AIG1: variants seen among roughly 807,000 people sequenced by gnomAD.
The protein encoded by AIG1 is androgen induced 1, also known as androgen-induced gene 1 protein.
Under a neutral mutation model 31.4 loss-of-function variants are expected in AIG1, and 23 were observed. The ratio of observed to expected loss-of-function variants is 0.73; its 90% confidence interval spans 0.53 to 1.04. The LOEUF is 1.04. AIG1 is among the 50% of genes least tolerant of loss of function. The probability of loss-of-function intolerance (pLI) is 0.00; values close to 1 mark genes in which losing one functional copy is unlikely to be tolerated. For missense variants in AIG1, 274 were observed against 295.0 expected (o/e 0.93, Z 0.52); for synonymous variants, 100 against 110.5 (o/e 0.90, Z 0.60).
Position 143,292,174 on chromosome 6 carries a change from C to G in AIG1, c.515+7949C>G, listed in dbSNP as rs1268288666. Among the ~76,000 whole-genome samples the G allele has an allele frequency of 1.3e-5, 2 of 152,140 alleles. No individual in the cohort carries two copies. Among genetic ancestry groups the G allele is most frequent in the Non-Finnish European group, 2.9e-5 (2 of 68,020 alleles). ...TTGGTATGGAAGGCAAAATAATGCT[C>G]ACCACAAGCCCCCAAAGATATCCAC... is the stretch of plus-strand genomic sequence containing the variant. On this transcript the variant is annotated intron_variant, in intron 4 of 5. Transcript: ENST00000357847. The surrounding 1 kb of genome is among the most constrained non-coding windows in gnomAD (Gnocchi z 4.9).
At chr6:143,100,070 A>G (rs934125184) in intron 1 of AIG1, among the ~76,000 whole-genome samples, 3 of 152,204 alleles carry the variant, frequency 2.0e-5, no homozygotes, top group Non-Finnish European at 2.9e-5. Context: ...TACCTTTTCT[A>G]TAGTTTCCAT....
intron 3 of AIG1, among the ~76,000 whole-genome samples, chr6:143,249,666 C>G (rs916506753): frequency 6.6e-6 from 1 of 152,186 alleles, no homozygotes; most frequent in African/African-American, 2.4e-5. Context: ...TTACAGACGA[C>G]CCCTCTCCTG....
At chr6:143,269,446 G>A (rs992675861) in intron 3 of AIG1, among the ~76,000 whole-genome samples, 1 of 152,168 alleles carries the variant, frequency 6.6e-6, no homozygotes, top group African/African-American at 2.4e-5. Flanking sequence ...CATGTCCTAT[G>A]AGCTAGCAGT....
rs9390073 is a variant in AIG1 at position 143,268,073 on chromosome 6, A to G, written c.400-16037A>G. Among the ~76,000 whole-genome samples, 15,055 of 152,220 alleles carry G rather than the reference A, an allele frequency of 0.099. 796 individuals are homozygous for G. The highest frequency in any genetic ancestry group is 0.17 in the South Asian group (838 of 4,824). On this transcript the variant is annotated intron_variant, in intron 3 of 5. Transcript: ENST00000357847. The surrounding 1 kb of genome is among the most constrained non-coding windows in gnomAD (Gnocchi z 5.0). The stretch of plus-strand genomic sequence containing the variant: ...CTCATGCTGATCTGAAGCTGGCCAA[A>G]ATATATATCCATGATGAATTATAAT...
At chr6:143,213,413 A>G (rs965205060) in intron 3 of AIG1, among the ~76,000 whole-genome samples, 1 of 151,172 alleles carries the variant, frequency 6.6e-6, no homozygotes, top group Non-Finnish European at 1.5e-5. Flanking sequence ...ATTGGATAGT[A>G]TAATAAATGA....
At chr6:143,335,982 A>AT (rs76018150) in intron 5 of AIG1, among the ~76,000 whole-genome samples, 34,852 of 150,814 alleles carry the variant, frequency 0.23, 4,416 homozygotes, top group East Asian at 0.46. Flanking sequence ...AGAAAAAAGA[A>AT]TTGAGTATCA....
chr6:143,222,502 T>G (rs1203874951), intron 3 of AIG1, among the ~76,000 whole-genome samples: 1 of 152,184 alleles, frequency 6.6e-6, no homozygotes, highest in Non-Finnish European at 1.5e-5. Flanking sequence ...AGCCTGTGAA[T>G]TTCATTTCAG....
Position 143,334,239 on chromosome 6 carries a change from G to C in AIG1, c.679+794G>C. 1 of 777,052 alleles carries C rather than the reference G, an allele frequency of 1.3e-6. No individual in the cohort carries two copies. Among genetic ancestry groups the C allele is most frequent in the Non-Finnish European group, 1.9e-6 (1 of 515,350 alleles). 48.1% of individuals were successfully genotyped at this position (777,052 alleles called of 1,614,324 possible). A position where few individuals can be genotyped will look rare whatever the true frequency, so the allele number is the denominator to read the frequency against. The stretch of plus-strand genomic sequence containing the variant: ...ATACATCCAAAGGCAAGATGGTTTG[G>C]AGATTTTAGGAAGCCCTGGCTCTTT... On this transcript the variant is annotated intron_variant, in intron 5 of 5. Coordinates refer to ENST00000357847, the MANE Select transcript of AIG1 (RefSeq NM_016108.4). The surrounding 1 kb of genome is among the most constrained non-coding windows in gnomAD (Gnocchi z 5.1).
At chr6:143,110,920 T>G (rs1358281342) in intron 1 of AIG1, among the ~76,000 whole-genome samples, 1 of 152,216 alleles carries the variant, frequency 6.6e-6, no homozygotes, top group Non-Finnish European at 1.5e-5. Context: ...ATTCTAAACA[T>G]AGGTTATATC....
chr6:143,305,149 C>T (rs1049053277), intron 4 of AIG1, among the ~76,000 whole-genome samples: 3 of 152,054 alleles, frequency 2.0e-5, no homozygotes, highest in Non-Finnish European at 4.4e-5. Flanking sequence ...AGCAGTCTAT[C>T]AATTTTGTTG....
At chr6:143,205,424 A>G (rs1202598269) in intron 3 of AIG1, among the ~76,000 whole-genome samples, 1 of 152,198 alleles carries the variant, frequency 6.6e-6, no homozygotes, top group African/African-American at 2.4e-5. Flanking sequence ...TTTTTCCTGT[A>G]TGAATCCTTT....
intron 3 of AIG1, among the ~76,000 whole-genome samples, chr6:143,247,551 A>C (rs892489579): frequency 2.0e-5 from 3 of 152,324 alleles, no homozygotes; most frequent in Admixed American, 6.5e-5. Flanking sequence ...CTAATAAACA[A>C]AGACACTTCT....
intron 3 of AIG1, among the ~76,000 whole-genome samples, chr6:143,273,128 CA>C (rs200300066): frequency 6.7e-6 from 1 of 149,970 alleles, no homozygotes; most frequent in Non-Finnish European, 1.5e-5. Flanking sequence ...GACTTCGTCT[CA>C]AAAAAAAATA....
chr6:143,176,965 A>G (rs192977010), intron 3 of AIG1, among the ~76,000 whole-genome samples: 1 of 152,242 alleles, frequency 6.6e-6, no homozygotes, highest in East Asian at 1.9e-4. Context: ...TCTGAGTGGG[A>G]GCTGCAGGTT....
intron 1 of AIG1, among the ~76,000 whole-genome samples, chr6:143,123,444 T>G (rs536272696): frequency 1.2e-4 from 18 of 152,214 alleles, no homozygotes; most frequent in Admixed American, 2.6e-4. Context: ...TTACTATTAT[T>G]GCCTTACTTT....
At chr6:143,173,262 C>T (rs1787813416) in intron 3 of AIG1, among the ~76,000 whole-genome samples, 1 of 152,144 alleles carries the variant, frequency 6.6e-6, no homozygotes, top group South Asian at 2.1e-4. Flanking sequence ...AGTGTTTTGC[C>T]ATGTTGGCCA....
At chr6:143,303,277 G>A (rs1798968901) in intron 4 of AIG1, among the ~76,000 whole-genome samples, 1 of 150,910 alleles carries the variant, frequency 6.6e-6, no homozygotes, top group African/African-American at 2.4e-5. Context: ...TGCTTTTGGT[G>A]TTTTAGACAT....
chr6:143,191,473 AACTT>A (rs1789786764), intron 3 of AIG1, among the ~76,000 whole-genome samples: 1 of 152,178 alleles, frequency 6.6e-6, no homozygotes, highest in Non-Finnish European at 1.5e-5. Context: ...ACAGAAAAAA[AACTT>A]ACTTGTCAGT....
intron 3 of AIG1, among the ~76,000 whole-genome samples, chr6:143,254,259 G>C (rs1407682627): frequency 1.3e-5 from 2 of 152,204 alleles, no homozygotes; most frequent in Non-Finnish European, 2.9e-5. Flanking sequence ...AAACATGCTT[G>C]ATTCTCAGTT....
Sources: allele counts gnomAD v4.1 joint callset (sites outside exome capture counted in the v4.1 genomes callset), GRCh38; gene constraint gnomAD v4.1.1; non-coding constraint Gnocchi (gnomAD v3.1); transcripts MANE v1.5; gene names NCBI Gene and HGNC (gene_info 2026-07-23, HGNC 2026-07-21).